The following TOM1L2 variants were observed in gnomAD, a reference collection of about 807,000 sequenced individuals.
TOM1L2 encodes TOM1-like protein 2.
Under a neutral mutation model 67.9 loss-of-function variants are expected in TOM1L2, and 31 were observed. The ratio of observed to expected loss-of-function variants is 0.46; its 90% CI spans 0.34 to 0.62. TOM1L2 has a LOEUF of 0.62. Among genes scored for constraint, TOM1L2 ranks in the 20% least tolerant of loss-of-function variants. The probability of loss-of-function intolerance (pLI) is 0.01; values close to 1 mark genes in which losing one functional copy is unlikely to be tolerated. For synonymous variants in TOM1L2, 256 were observed against 254.0 expected, an observed-to-expected ratio of 1.01 and a Z score of -0.07; for missense variants, 606 against 663.5, an observed-to-expected ratio of 0.91 and a Z score of 0.95.
chr17:17,874,156 A>G (rs1346657097), intron 7 of TOM1L2, among the ~76,000 whole-genome samples: 2 of 152,020 alleles, frequency 1.3e-5, no homozygotes, highest in African/African-American at 2.4e-5. Context: ...GGGTTTTACC[A>G]TGTTAGTCAG....
chr17:17,857,721 T>C (rs2036320792), intron 12 of TOM1L2: 1 of 1,480,034 alleles, frequency 6.8e-7, no homozygotes, highest in African/African-American at 1.4e-5. Context: ...GTTACACAGG[T>C]AGGGGCTGGG....
intron 3 of TOM1L2, 76 bp downstream of exon 3, chr17:17,898,520 G>A (rs1421100530): frequency 1.6e-5 from 23 of 1,466,436 alleles, no homozygotes; most frequent in Non-Finnish European, 1.9e-5. Flanking sequence ...GCAGAGGGAA[G>A]GCCCTGTGAG....
rs1038157459 is a variant in TOM1L2, at chr17:17,851,961, T to C, written c.1279-1009A>G. Reference sequence around the variant, plus strand: ...TAAGTTGCCATCAAATATGACATGATAAGAAGCTCCCTAGAAGCCATGTTA... The same window carrying C: ...TAAGTTGCCATCAAATATGACATGACAAGAAGCTCCCTAGAAGCCATGTTA... On this transcript the variant is annotated intron_variant, in intron 12 of 14. Transcript: ENST00000379504. 2.0e-5 allele frequency among the ~76,000 whole-genome samples: 3 copies of C among 152,246 alleles called. No individual in the cohort carries two copies. The East Asian group carries it at 5.8e-4, about 29-fold the overall frequency.
intron 2 of TOM1L2, among the ~76,000 whole-genome samples, chr17:17,900,102 G>A (rs11078403): frequency 0.55 from 83,912 of 151,744 alleles, 24,063 homozygotes; most frequent in Non-Finnish European, 0.61. Flanking sequence ...AATCCTAGCT[G>A]CTCGGGAGGC....
At chr17:17,931,547 G>A (rs1280425911) in intron 1 of TOM1L2, among the ~76,000 whole-genome samples, 1 of 152,204 alleles carries the variant, frequency 6.6e-6, no homozygotes, top group East Asian at 1.9e-4. Flanking sequence ...AGAGACTTGG[G>A]TATCTGTCTT....
intron 1 of TOM1L2, among the ~76,000 whole-genome samples, chr17:17,947,844 A>AT (rs1356919697): frequency 1.3e-5 from 2 of 152,038 alleles, no homozygotes; most frequent in Non-Finnish European, 2.9e-5. Context: ...TTCATTTTTA[A>AT]TTTCTTTTGG....
intron 1 of TOM1L2, among the ~76,000 whole-genome samples, chr17:17,941,969 A>C (rs2040753096): frequency 6.6e-6 from 1 of 152,206 alleles, no homozygotes; most frequent in South Asian, 2.1e-4. Flanking sequence ...AAAATACAAA[A>C]GTCTCAGCCA....
intron 1 of TOM1L2, among the ~76,000 whole-genome samples, chr17:17,960,329 G>T (rs1410647648): frequency 6.6e-6 from 1 of 152,068 alleles, no homozygotes; most frequent in Non-Finnish European, 1.5e-5. Context: ...CTTGAGGAAG[G>T]TACTTGACTT....
rs546614872 is a variant in TOM1L2, at chr17:17,900,521, CAAAAAA to C, written c.138-1853_138-1848del. Among the ~76,000 whole-genome samples, 4 of 58,842 alleles carry C rather than the reference CAAAAAA, an allele frequency of 6.8e-5. No individual in the cohort carries two copies. The South Asian group carries it at 2.5e-3, about 37-fold the overall frequency. 38.6% of individuals were successfully genotyped at this position (58,842 alleles called of 152,430 possible). ...TGGGTGACAGAGTAAGACTCCATCT[CAAAAAA>C]AAAAAAAAAAAAGAGAGAAAGAAAG... On this transcript the variant is annotated intron_variant, in intron 2 of 14. Transcript: ENST00000379504.
chr17:17,879,909 GGCCT>G (rs1220538791), intron 6 of TOM1L2, among the ~76,000 whole-genome samples, 166 bp from the exon 7 acceptor site: 1 of 152,100 alleles, frequency 6.6e-6, no homozygotes, highest in African/African-American at 2.4e-5. Flanking sequence ...ATCTCCCTCT[GGCCT>G]GCCTGTCAGC....
At chr17:17,883,748 G>A (rs1290405848) in intron 5 of TOM1L2, among the ~76,000 whole-genome samples, 10 of 152,130 alleles carry the variant, frequency 6.6e-5, no homozygotes, top group Admixed American at 6.6e-4. Context: ...AAAAGAGAAA[G>A]GGCAATCCCT....
chr17:17,900,087 C>T (rs2038772873), intron 2 of TOM1L2, among the ~76,000 whole-genome samples: 1 of 151,668 alleles, frequency 6.6e-6, no homozygotes, highest in Non-Finnish European at 1.5e-5. Flanking sequence ...GTGGCAGCTG[C>T]CTGTAATCCT....
chr17:17,864,622 C>T (rs978024074), intron 10 of TOM1L2, among the ~76,000 whole-genome samples: 1 of 152,066 alleles, frequency 6.6e-6, no homozygotes, highest in African/African-American at 2.4e-5. Context: ...AGCGATCCTC[C>T]TGCCTCAACC....
At chr17:17,872,042 C>T (rs1321805468) in intron 7 of TOM1L2, 1 of 985,456 alleles carries the variant, frequency 1.0e-6, no homozygotes, top group Non-Finnish European at 1.2e-6. Flanking sequence ...GGCCTTGGGG[C>T]CTGCCAGACG....
intron 7 of TOM1L2, chr17:17,872,122 AT>A: frequency 2.4e-6 from 2 of 842,244 alleles, no homozygotes; most frequent in Non-Finnish European, 2.9e-6. Flanking sequence ...CCCAGTCACA[AT>A]TACTGTACAC....
intron 1 of TOM1L2, among the ~76,000 whole-genome samples, chr17:17,934,281 C>T (rs1236752345): frequency 2.0e-5 from 3 of 152,110 alleles, no homozygotes; most frequent in Admixed American, 6.5e-5. Context: ...TTTGTCTCTA[C>T]AAAAACAGTG....
intron 13 of TOM1L2, 169 bp from the exon 14 acceptor site, chr17:17,849,028 T>C: frequency 1.8e-6 from 1 of 564,920 alleles, no homozygotes; most frequent in Non-Finnish European, 3.1e-6. Context: ...AATACTGCTC[T>C]TCTTATTGGA....
intron 3 of TOM1L2, among the ~76,000 whole-genome samples, chr17:17,894,410 C>T (rs1437168256): frequency 6.6e-6 from 1 of 152,206 alleles, no homozygotes; most frequent in Non-Finnish European, 1.5e-5. Flanking sequence ...TCAGACCCTG[C>T]CTGCTCCTCC....
intron 1 of TOM1L2, among the ~76,000 whole-genome samples, chr17:17,910,799 C>T (rs530002000): frequency 1.4e-4 from 22 of 152,088 alleles, no homozygotes; most frequent in Non-Finnish European, 2.6e-4. Flanking sequence ...GAACTCCTGA[C>T]CTCAGGTGCT....
Sources: allele counts gnomAD v4.1 joint callset (sites outside exome capture counted in the v4.1 genomes callset), GRCh38; gene constraint gnomAD v4.1.1; transcripts MANE v1.5; gene names NCBI Gene and HGNC (gene_info 2026-07-23, HGNC 2026-07-21).